Variants in GLIS3 observed in about 807,000 individuals in gnomAD.
GLIS3 encodes the protein GLIS family zinc finger 3, also known as zinc finger protein GLIS3.
A neutral mutation model predicts 78.6 loss-of-function variants in GLIS3; 53 were observed. The observed-to-expected ratio is 0.67, with a 90% CI of 0.54 to 0.85. The LOEUF (loss-of-function observed/expected upper bound fraction) is 0.85. GLIS3 is among the 40% of genes least tolerant of loss of function. The pLI is 0.00. For missense variants in GLIS3, 1,703 were observed against 1,231.1 expected (o/e 1.38, Z -5.74); for synonymous variants, 684 against 509.9 (o/e 1.34, Z -4.60).
chr9:4,207,229 C>T (rs559023630), intron 2 of GLIS3, among the ~76,000 whole-genome samples: 2 of 152,190 alleles, frequency 1.3e-5, no homozygotes, highest in South Asian at 4.1e-4. Context: ...GAAGCTGCCC[C>T]CTTCGTCCCC....
At chr9:4,051,464 T>C (rs1033019278) in intron 4 of GLIS3, among the ~76,000 whole-genome samples, 1 of 151,950 alleles carries the variant, frequency 6.6e-6, no homozygotes, top group Non-Finnish European at 1.5e-5. Context: ...TCAAAATCCA[T>C]CCCTTGAAAA....
chr9:4,426,699 T>C, the GLIS3 span, among the ~76,000 whole-genome samples: 1 of 152,244 alleles, frequency 6.6e-6, no homozygotes, highest in East Asian at 1.9e-4. Flanking sequence ...GAAACTAGAA[T>C]GATTGGGTTT....
At position 4,320,472 on chromosome 9, in the gene GLIS3, T is replaced by C. The variant is rs558133830; in HGVS notation, n.265-9944A>G. 5.1e-4 allele frequency among the ~76,000 whole-genome samples: 78 copies of C among 152,328 alleles called. 2 individuals carry two copies. In the South Asian group the frequency reaches 6.0e-3, roughly 12 times the overall value. On this transcript the variant is annotated intron_variant and non_coding_transcript_variant, in intron 2 of 4. Transcript: ENST00000471664. Reference sequence around the variant, plus strand: ...AAGCCAGAAACTTAGGGATTTATCCTTCACACCTTTCTCTCTGTCAATACA... The same window carrying C: ...AAGCCAGAAACTTAGGGATTTATCCCTCACACCTTTCTCTCTGTCAATACA...
the GLIS3 span, among the ~76,000 whole-genome samples, chr9:4,398,154 A>G: frequency 6.6e-6 from 1 of 152,090 alleles, no homozygotes; most frequent in Non-Finnish European, 1.5e-5. Context: ...ATTTATCAGA[A>G]TATTTTTTCC....
chr9:4,096,209 T>C (rs1434487148), intron 4 of GLIS3, among the ~76,000 whole-genome samples: 2 of 152,170 alleles, frequency 1.3e-5, no homozygotes, highest in African/African-American at 4.8e-5. Flanking sequence ...AAAATCTGTG[T>C]TTCTACATAG....
chr9:4,087,597 T>G (rs1283077329), intron 4 of GLIS3, among the ~76,000 whole-genome samples: 1 of 152,126 alleles, frequency 6.6e-6, no homozygotes. Flanking sequence ...GGCTCTGGCC[T>G]CATAGAGCTT....
chr9:3,832,735 C>T (rs1236942258), intron 9 of GLIS3, among the ~76,000 whole-genome samples: 4 of 152,178 alleles, frequency 2.6e-5, no homozygotes, highest in African/African-American at 4.8e-5. Context: ...GCAAAATAGA[C>T]AATATTTGCT....
chr9:3,911,100 TCTTC>T (rs534986962), intron 6 of GLIS3, among the ~76,000 whole-genome samples: 284 of 151,834 alleles, frequency 1.9e-3, no homozygotes, highest in East Asian at 5.2e-3. Flanking sequence ...TTCCTTCCTT[TCTTC>T]CTTCCTTCCT....
At chr9:3,991,748 T>G (rs1246749599) in intron 4 of GLIS3, among the ~76,000 whole-genome samples, 1 of 137,136 alleles carries the variant, frequency 7.3e-6, no homozygotes, top group African/African-American at 2.7e-5. Context: ...TGGAGTGCAG[T>G]GGTGGGATCT....
At chr9:4,384,781 C>T in the GLIS3 span, among the ~76,000 whole-genome samples, 115,030 of 151,948 alleles carry the variant, frequency 0.76, 46,239 homozygotes, top group Non-Finnish European at 0.9. Context: ...TCTTCCTACG[C>T]TCCCATGTCT....
At chr9:4,273,456 G>A (rs919039154) in intron 2 of GLIS3, among the ~76,000 whole-genome samples, 2 of 152,098 alleles carry the variant, frequency 1.3e-5, no homozygotes, top group African/African-American at 4.8e-5. Context: ...AGCTGGGCAT[G>A]GTAGCTAATG....
At chr9:4,022,105 C>T (rs1822934209) in intron 4 of GLIS3, among the ~76,000 whole-genome samples, 1 of 152,014 alleles carries the variant, frequency 6.6e-6, no homozygotes, top group Non-Finnish European at 1.5e-5. Context: ...TATGCCTAGG[C>T]ATTGTGTTAG....
At chr9:4,203,781 A>G (rs1032369883) in intron 2 of GLIS3, among the ~76,000 whole-genome samples, 21 of 152,352 alleles carry the variant, frequency 1.4e-4, no homozygotes, top group African/African-American at 5.0e-4. Flanking sequence ...CAGCCATAAA[A>G]AAGAACAAAA....
At chr9:4,370,696 G>T in the GLIS3 span, among the ~76,000 whole-genome samples, 1 of 148,560 alleles carries the variant, frequency 6.7e-6, no homozygotes, top group Non-Finnish European at 1.5e-5. Context: ...TTTATATTCT[G>T]TAATAAATAA....
chr9:4,158,776 GTGAA>G (rs1289671489), intron 2 of GLIS3, among the ~76,000 whole-genome samples: 2 of 152,124 alleles, frequency 1.3e-5, no homozygotes, highest in African/African-American at 4.8e-5. Context: ...AATAATATGA[GTGAA>G]TGAATAAGTG....
At chr9:3,972,154 C>CA (rs1292731436) in intron 4 of GLIS3, among the ~76,000 whole-genome samples, 1 of 152,226 alleles carries the variant, frequency 6.6e-6, no homozygotes, top group African/African-American at 2.4e-5. Flanking sequence ...ATGTTGTTTA[C>CA]AAAAAACTTC....
chr9:4,019,446 C>A (rs1257762961), intron 4 of GLIS3, among the ~76,000 whole-genome samples: 1 of 152,168 alleles, frequency 6.6e-6, no homozygotes, highest in Non-Finnish European at 1.5e-5. Flanking sequence ...TCAGCACTCA[C>A]ACCATAAATA....
intron 2 of GLIS3, among the ~76,000 whole-genome samples, chr9:4,270,919 GTGTGTGTGTGTGTGTA>G (rs1295201771): frequency 2.2e-3 from 196 of 87,798 alleles, no homozygotes; most frequent in African/African-American, 8.6e-3. Context: ...GTGTGTGTGT[GTGTGTGTGTGTGTGTA>G]TACACAACTG....
chr9:4,189,741 T>C (rs371296167), intron 2 of GLIS3, among the ~76,000 whole-genome samples: 2 of 152,200 alleles, frequency 1.3e-5, no homozygotes, highest in African/African-American at 2.4e-5. Flanking sequence ...CCCTTTACCA[T>C]TATGTAATGG....
Sources: allele counts gnomAD v4.1 joint callset (sites outside exome capture counted in the v4.1 genomes callset), GRCh38; gene constraint gnomAD v4.1.1; transcripts MANE v1.5; gene names NCBI Gene and HGNC (gene_info 2026-07-23, HGNC 2026-07-21).